Variants in TNPO3 observed in about 807,000 individuals in gnomAD.
TNPO3 encodes transportin 3.
TNPO3 carries 65 observed loss-of-function variants against 122.8 expected under a neutral mutation model. The ratio of observed to expected loss-of-function variants is 0.53; its 90% CI spans 0.43 to 0.65. The LOEUF (loss-of-function observed/expected upper bound fraction) is 0.65, where lower values mean the gene tolerates loss of function less well. Ranked by LOEUF, TNPO3 falls within the 30% of genes least tolerant of loss-of-function variation. The pLI, the probability that TNPO3 is intolerant of heterozygous loss-of-function variation, is 0.00. For synonymous variants in TNPO3, 372 were observed against 411.2 expected (o/e 0.90, Z 1.15); for missense variants, 850 against 1,136.7 (o/e 0.75, Z 3.63).
At chr7:128,961,852 C>T (rs527507455) in intron 21 of TNPO3, among the ~76,000 whole-genome samples, 105 of 152,274 alleles carry the variant, frequency 6.9e-4, no homozygotes, top group Non-Finnish European at 1.9e-4. Flanking sequence ...ATTCCAGTAT[C>T]AATGCTTCCC....
intron 21 of TNPO3, among the ~76,000 whole-genome samples, chr7:128,966,017 T>C (rs1027828027): frequency 6.6e-6 from 1 of 152,224 alleles, no homozygotes; most frequent in Non-Finnish European, 1.5e-5. Context: ...ACAACATGAA[T>C]ATATACTTAA....
chr7:129,030,199 G>C (rs1805765284), intron 1 of TNPO3: 1 of 184,054 alleles, frequency 5.4e-6, no homozygotes, highest in Non-Finnish European at 1.2e-5. Flanking sequence ...TCAGTGAGAA[G>C]TATTATTCAT....
At position 128,997,438 on chromosome 7, in the gene TNPO3, T is replaced by C. The variant is rs1416772068; in HGVS notation, c.1109A>G (p.Gln370Arg). ...VIHGIFKAYIQRLLHALARHC... is the reference protein window; with the variant it reads ...VIHGIFKAYIRRLLHALARHC... ...TCGAGCCAAGGCGTGAAGCAGCCTC[T>C]GAATGTAAGCTTTGAAGATGCCATG... Residue 370 changes from glutamine to arginine, a missense_variant, in exon 8 of 23, where the codon CAG (glutamine) becomes CGG (arginine). Physicochemically the swap from Gln to Arg is conservative, Grantham distance 43. Coordinates refer to ENST00000265388, the MANE Select transcript of TNPO3 (RefSeq NM_012470.4). 2 of 1,614,122 alleles carry C rather than the reference T, an allele frequency of 1.2e-6. No homozygotes were observed. Among genetic ancestry groups the C allele is most frequent in the Non-Finnish European group, 1.7e-6 (2 of 1,180,036 alleles).
chr7:129,033,881 C>A (rs1806244601), intron 1 of TNPO3, among the ~76,000 whole-genome samples: 1 of 150,162 alleles, frequency 6.7e-6, no homozygotes, highest in Non-Finnish European at 1.5e-5. Context: ...CCACTGCATT[C>A]CAGCCTGGGC....
intron 2 of TNPO3, among the ~76,000 whole-genome samples, chr7:129,017,587 G>A (rs1803989817): frequency 6.6e-6 from 1 of 152,144 alleles, no homozygotes; most frequent in Non-Finnish European, 1.5e-5. Flanking sequence ...CCTATCTAAT[G>A]TATTTCCCTG....
At chr7:129,048,775 A>C (rs568960750) in intron 1 of TNPO3, among the ~76,000 whole-genome samples, 19 of 152,378 alleles carry the variant, frequency 1.2e-4, no homozygotes, top group African/African-American at 4.6e-4. Flanking sequence ...CAGATAAAGA[A>C]AAATGTGAGT....
intron 19 of TNPO3, chr7:128,971,039 C>T (rs1798428920): frequency 7.0e-6 from 1 of 143,348 alleles, no homozygotes; most frequent in Non-Finnish European, 1.5e-5. Flanking sequence ...CAAGTCACAA[C>T]AAAACAAAAC....
chr7:129,037,068 GGAAT>G (rs2150521798), intron 1 of TNPO3, among the ~76,000 whole-genome samples: 1 of 152,178 alleles, frequency 6.6e-6, no homozygotes, highest in East Asian at 1.9e-4. Context: ...ACAGAAATCA[GGAAT>G]GAATGAAGAA....
intron 4 of TNPO3, among the ~76,000 whole-genome samples, chr7:129,007,373 C>G (rs962386587): frequency 6.6e-6 from 1 of 152,174 alleles, no homozygotes; most frequent in Non-Finnish European, 1.5e-5. Context: ...CAAGGACTTC[C>G]TATATTTCAA....
At chr7:129,047,826 C>T (rs904420512) in intron 1 of TNPO3, among the ~76,000 whole-genome samples, 1 of 152,196 alleles carries the variant, frequency 6.6e-6, no homozygotes, top group Admixed American at 6.5e-5. Flanking sequence ...GTTATTACTA[C>T]AGTTAAAACA....
chr7:129,047,684 G>A (rs1442385337), intron 1 of TNPO3, among the ~76,000 whole-genome samples: 1 of 152,180 alleles, frequency 6.6e-6, no homozygotes. Context: ...ATTACTCTCG[G>A]ATTAGTTAGG....
intron 1 of TNPO3, among the ~76,000 whole-genome samples, chr7:129,031,286 T>G (rs1198581608): frequency 1.3e-5 from 2 of 149,794 alleles, no homozygotes; most frequent in African/African-American, 5.0e-5. Flanking sequence ...GGTGACAGAG[T>G]GAGGTTCTAT....
intron 1 of TNPO3, among the ~76,000 whole-genome samples, chr7:129,037,820 T>C (rs1806877844): frequency 6.6e-6 from 1 of 151,572 alleles, no homozygotes; most frequent in Non-Finnish European, 1.5e-5. Flanking sequence ...TAAAACAGTC[T>C]TGAGCCTATA....
At chr7:129,032,351 G>A (rs1269240010) in intron 1 of TNPO3, among the ~76,000 whole-genome samples, 4 of 152,178 alleles carry the variant, frequency 2.6e-5, no homozygotes, top group African/African-American at 9.6e-5. Context: ...CGAAGTTCTA[G>A]CCAGAGCAAT....
At chr7:129,031,299 CA>C (rs1563108960) in intron 1 of TNPO3, among the ~76,000 whole-genome samples, 1 of 143,144 alleles carries the variant, frequency 7.0e-6, no homozygotes, top group Non-Finnish European at 1.5e-5. Flanking sequence ...GGTTCTATGT[CA>C]AAAAAGAAAG....
At chr7:129,049,182 G>A (rs1272676096) in intron 1 of TNPO3, among the ~76,000 whole-genome samples, 1 of 152,162 alleles carries the variant, frequency 6.6e-6, no homozygotes, top group Non-Finnish European at 1.5e-5. Flanking sequence ...GGGCAAAGGC[G>A]GCATCCACTC....
intron 11 of TNPO3, among the ~76,000 whole-genome samples, chr7:128,989,125 G>T (rs765830523): frequency 6.6e-6 from 1 of 151,902 alleles, no homozygotes; most frequent in Non-Finnish European, 1.5e-5. Context: ...GAAATAGTAC[G>T]TTGAACTTAG....
At chr7:129,033,779 G>A (rs566086706) in intron 1 of TNPO3, among the ~76,000 whole-genome samples, 14 of 152,140 alleles carry the variant, frequency 9.2e-5, no homozygotes, top group Admixed American at 5.9e-4. Context: ...CGGACATGGT[G>A]GCGCATGACT....
intron 1 of TNPO3, among the ~76,000 whole-genome samples, chr7:129,021,968 A>T (rs1441419859): frequency 6.6e-6 from 1 of 152,214 alleles, no homozygotes; most frequent in African/African-American, 2.4e-5. Flanking sequence ...AAAATTTTAA[A>T]ACATTTAAGA....
Sources: allele counts gnomAD v4.1 joint callset (sites outside exome capture counted in the v4.1 genomes callset), GRCh38; gene constraint gnomAD v4.1.1; transcripts MANE v1.5; gene names NCBI Gene and HGNC (gene_info 2026-07-23, HGNC 2026-07-21).